ADGRL2: variants seen among roughly 807,000 people sequenced by gnomAD.
ADGRL2 encodes calcium-independent alpha-latrotoxin receptor 2.
In ADGRL2, 44 loss-of-function variants were observed where a neutral mutation model predicts 157.4. That is an observed-to-expected ratio of 0.28 (90% confidence interval 0.22 to 0.36). The LOEUF (loss-of-function observed/expected upper bound fraction) is 0.36. ADGRL2 is among the 10% of genes least tolerant of loss of function. ADGRL2 has a pLI of 1.00. For missense variants in ADGRL2, 1,510 were observed against 1,768.9 expected (o/e 0.85, Z 2.63); for synonymous variants, 585 against 624.7 (o/e 0.94, Z 0.95).
chr1:81,486,754 A>C (rs1241005765), intron 2 of ADGRL2, among the ~76,000 whole-genome samples: 1 of 152,164 alleles, frequency 6.6e-6, no homozygotes, highest in East Asian at 1.9e-4. Flanking sequence ...TTGGACATAT[A>C]AGTTAGAAAA....
chr1:81,861,112 G>A (rs908842142), intron 2 of ADGRL2, among the ~76,000 whole-genome samples: 6 of 151,432 alleles, frequency 4.0e-5, no homozygotes, highest in Non-Finnish European at 8.8e-5. Context: ...CACCTACCGG[G>A]TGGGTTCAAG....
At chr1:81,585,135 A>G (rs893668297) in intron 3 of ADGRL2, among the ~76,000 whole-genome samples, 1 of 152,178 alleles carries the variant, frequency 6.6e-6, no homozygotes, top group South Asian at 2.1e-4. Context: ...CAAGTCTCCC[A>G]CTATTGTTAT....
intron 22 of ADGRL2, chr1:81,987,349 A>G: frequency 6.8e-7 from 1 of 1,471,982 alleles, no homozygotes; most frequent in East Asian, 2.3e-5. Context: ...GAGGTATCCT[A>G]TCTATATAAT....
intron 2 of ADGRL2, chr1:81,502,041 T>A (rs575669852): frequency 7.3e-5 from 117 of 1,602,740 alleles, no homozygotes; most frequent in Non-Finnish European, 9.5e-5. Flanking sequence ...CGGGGCAACA[T>A]GAACTCAGAG....
intron 1 of ADGRL2, among the ~76,000 whole-genome samples, chr1:81,710,626 TA>T (rs373944276): frequency 0.52 from 68,583 of 132,392 alleles, 16,770 homozygotes; most frequent in Admixed American, 0.58. Flanking sequence ...CTCAAAAAAT[TA>T]AAAAAAAAAA....
chr1:81,588,049 A>G (rs1471840303), intron 3 of ADGRL2, among the ~76,000 whole-genome samples: 1 of 152,124 alleles, frequency 6.6e-6, no homozygotes, highest in Non-Finnish European at 1.5e-5. Context: ...TTACAAAGGG[A>G]GTGCTCTTGG....
chr1:81,386,415 A>G (rs2101084134), intron 1 of ADGRL2, among the ~76,000 whole-genome samples: 1 of 152,244 alleles, frequency 6.6e-6, no homozygotes, highest in Admixed American at 6.5e-5. Context: ...ATTATGCACC[A>G]ATACATCCTT....
chr1:81,838,854 G>A (rs2092412792), intron 2 of ADGRL2, among the ~76,000 whole-genome samples: 1 of 151,924 alleles, frequency 6.6e-6, no homozygotes, highest in South Asian at 2.1e-4. Flanking sequence ...TTCATTTTTG[G>A]CTCATCAGGC....
intron 2 of ADGRL2, among the ~76,000 whole-genome samples, chr1:81,843,460 T>G (rs2092677523): frequency 6.6e-6 from 1 of 152,174 alleles, no homozygotes; most frequent in South Asian, 2.1e-4. Context: ...AGAAAATACT[T>G]AACTGTATTG....
intron 1 of ADGRL2, among the ~76,000 whole-genome samples, chr1:81,808,232 T>C (rs1327469430): frequency 3.3e-5 from 5 of 152,014 alleles, no homozygotes; most frequent in African/African-American, 7.2e-5. Context: ...ATCACACTTA[T>C]ATAAGTTTGT....
intron 1 of ADGRL2, among the ~76,000 whole-genome samples, chr1:81,326,226 C>T (rs941461346): frequency 2.6e-5 from 4 of 152,100 alleles, no homozygotes; most frequent in African/African-American, 9.7e-5. Context: ...ATAAAGAAAG[C>T]TTTTATTTTC....
At chr1:81,938,381 A>G (rs993616304) in intron 4 of ADGRL2, among the ~76,000 whole-genome samples, 16 of 151,856 alleles carry the variant, frequency 1.1e-4, no homozygotes, top group African/African-American at 2.9e-4. Context: ...TCTATAGACC[A>G]AGAACAGTGT....
Position 81,736,984 on chromosome 1 carries a change from G to A in ADGRL2, c.-142-24827G>A, listed in dbSNP as rs200894043. ...GGAGTAGCTGGGACTACGGGTGCTC[G>A]CCACCATGCCCGGCTAATTTTTTGT... On this transcript the variant is annotated intron_variant, in intron 1 of 20. Transcript: ENST00000359929. Among the ~76,000 whole-genome samples, 24 of 152,076 alleles carry A rather than the reference G, an allele frequency of 1.6e-4. No individual in the cohort carries two copies. In the East Asian group the frequency reaches 2.7e-3, roughly 17 times the overall value.
chr1:81,594,927 A>C (rs1221025480), intron 3 of ADGRL2, among the ~76,000 whole-genome samples: 1 of 152,260 alleles, frequency 6.6e-6, no homozygotes, highest in African/African-American at 2.4e-5. Context: ...AGCAGCAAAC[A>C]CATTTAATAT....
Position 81,985,931 on chromosome 1 carries a change from G to A in ADGRL2, c.3508+576G>A, listed in dbSNP as rs536319542. 3.6e-3 allele frequency among the ~76,000 whole-genome samples: 540 copies of A among 151,958 alleles called. 1 individual carries two copies. Among genetic ancestry groups the A allele is most frequent in the Non-Finnish European group, 4.0e-3 (274 of 67,894 alleles). On this transcript the variant is annotated intron_variant, in intron 21 of 23. Transcript: ENST00000686636. ...ATGGTATTGTATATATCCTTGGAAAGGTAATTTATTACACTATTTTCAGTT... is the reference window on the plus strand; with the variant it reads ...ATGGTATTGTATATATCCTTGGAAAAGTAATTTATTACACTATTTTCAGTT...
intron 1 of ADGRL2, among the ~76,000 whole-genome samples, chr1:81,368,439 G>A (rs2076104701): frequency 6.6e-6 from 1 of 152,148 alleles, no homozygotes; most frequent in Admixed American, 6.5e-5. Flanking sequence ...TTTCAAAAGT[G>A]TTAGCTATCT....
intron 1 of ADGRL2, among the ~76,000 whole-genome samples, chr1:81,721,057 A>T (rs1359242137): frequency 7.0e-6 from 1 of 143,614 alleles, no homozygotes; most frequent in African/African-American, 2.6e-5. Context: ...TTTTTAATAG[A>T]GCCGGGGTCT....
intron 1 of ADGRL2, among the ~76,000 whole-genome samples, chr1:81,819,622 A>G (rs2090779237): frequency 6.6e-6 from 1 of 152,148 alleles, no homozygotes; most frequent in African/African-American, 2.4e-5. Flanking sequence ...TTATTATGCG[A>G]TATTCAGGCT....
chr1:81,593,313 G>A (rs1383542046), intron 3 of ADGRL2, among the ~76,000 whole-genome samples: 1 of 152,152 alleles, frequency 6.6e-6, no homozygotes, highest in Admixed American at 6.6e-5. Context: ...CTAGAGACGA[G>A]CTGCTTCAGT....
Sources: gnomAD v4.1 joint callset for allele counts (sites outside exome capture counted in the v4.1 genomes callset) on GRCh38, gnomAD v4.1.1 for gene constraint, MANE v1.5 for transcripts, NCBI Gene and HGNC (gene_info 2026-07-23, HGNC 2026-07-21) for gene names.